DAB1: variants seen among roughly 807,000 people sequenced by gnomAD.
The protein encoded by DAB1 is disabled homolog 1.
A neutral mutation model predicts 64.6 loss-of-function variants in DAB1; 15 were observed. That is an observed-to-expected ratio of 0.23 (90% CI 0.16 to 0.36). The LOEUF (loss-of-function observed/expected upper bound fraction) is 0.36, where lower values mean the gene tolerates loss of function less well. Ranked by LOEUF, DAB1 falls within the 10% of genes least tolerant of loss-of-function variation. The pLI, the probability that DAB1 is intolerant of heterozygous loss-of-function variation, is 1.00. For synonymous variants in DAB1, 235 were observed against 251.9 expected (o/e 0.93, Z 0.64); for missense variants, 596 against 706.7 (o/e 0.84, Z 1.78).
chr1:57,738,268 T>C (rs1647792111), intron 6 of DAB1, among the ~76,000 whole-genome samples: 1 of 152,228 alleles, frequency 6.6e-6, no homozygotes, highest in Non-Finnish European at 1.5e-5. Flanking sequence ...TCAAAGCTAG[T>C]AATAATTGAA....
intron 12 of DAB1, among the ~76,000 whole-genome samples, chr1:57,014,079 T>G (rs531788129): frequency 6.6e-6 from 1 of 152,222 alleles, no homozygotes; most frequent in Non-Finnish European, 1.5e-5. Flanking sequence ...GGATAAAAGA[T>G]ACTTCAAATT....
intron 6 of DAB1, among the ~76,000 whole-genome samples, chr1:57,693,839 C>A (rs1646793550): frequency 6.6e-6 from 1 of 152,190 alleles, no homozygotes; most frequent in Non-Finnish European, 1.5e-5. Context: ...CAAAGGTCCG[C>A]AGCTTCATTC....
intron 4 of DAB1, among the ~76,000 whole-genome samples, chr1:57,118,951 T>C (rs781242897): frequency 2.6e-5 from 4 of 152,314 alleles, no homozygotes; most frequent in Non-Finnish European, 4.4e-5. Flanking sequence ...AGCTGACATA[T>C]AGTAGAAGCC....
intron 1 of DAB1, among the ~76,000 whole-genome samples, chr1:57,388,385 C>T (rs987911838): frequency 6.6e-6 from 1 of 152,196 alleles, no homozygotes; most frequent in African/African-American, 2.4e-5. Context: ...CCCTCAGAGT[C>T]CCATGGGCCT....
At chr1:57,369,124 G>A (rs557808643) in intron 1 of DAB1, among the ~76,000 whole-genome samples, 1 of 152,282 alleles carries the variant, frequency 6.6e-6, no homozygotes, top group African/African-American at 2.4e-5. Flanking sequence ...CTGATTCAGG[G>A]TTGCATCCTG....
intron 6 of DAB1, among the ~76,000 whole-genome samples, chr1:57,765,151 T>A (rs1035540760): frequency 6.6e-6 from 1 of 152,104 alleles, no homozygotes; most frequent in African/African-American, 2.4e-5. Flanking sequence ...CTATGAACCA[T>A]GAAGAAGAAA....
intron 1 of DAB1, among the ~76,000 whole-genome samples, chr1:57,869,807 A>C (rs953078419): frequency 6.6e-6 from 1 of 152,150 alleles, no homozygotes; most frequent in Non-Finnish European, 1.5e-5. Flanking sequence ...TGTGCTGCAA[A>C]GAGAAATGCT....
chr1:57,616,956 G>T (rs1209523253), intron 7 of DAB1, among the ~76,000 whole-genome samples: 1 of 152,150 alleles, frequency 6.6e-6, no homozygotes. Context: ...CTGAGGGTAC[G>T]CAAAGGAATT....
intron 4 of DAB1, among the ~76,000 whole-genome samples, chr1:57,083,355 C>T (rs888158031): frequency 6.6e-6 from 1 of 152,168 alleles, no homozygotes; most frequent in Admixed American, 6.5e-5. Context: ...TTCTAAAATC[C>T]TTATTTTTAT....
chr1:57,523,208 T>C (rs1180820541), intron 7 of DAB1, among the ~76,000 whole-genome samples: 1 of 152,186 alleles, frequency 6.6e-6, no homozygotes, highest in Non-Finnish European at 1.5e-5. Flanking sequence ...CAGAATACCA[T>C]AAACTAGACT....
chr1:58,447,882 A>AT (rs1486260900), intron 3 of DAB1, among the ~76,000 whole-genome samples: 2 of 151,548 alleles, frequency 1.3e-5, no homozygotes, highest in Non-Finnish European at 2.9e-5. Flanking sequence ...AGTCTTATGC[A>AT]ATAAGAAGAC....
chr1:57,789,783 A>G (rs1250668039), intron 6 of DAB1, among the ~76,000 whole-genome samples: 1 of 152,204 alleles, frequency 6.6e-6, no homozygotes, highest in Non-Finnish European at 1.5e-5. Context: ...TGTAGCAAGG[A>G]TGAGTAATTA....
chr1:57,692,819 A>G (rs1646779611), intron 6 of DAB1, among the ~76,000 whole-genome samples: 1 of 152,104 alleles, frequency 6.6e-6, no homozygotes, highest in Non-Finnish European at 1.5e-5. Context: ...TTCTTAGGGG[A>G]AGAGTGTTGT....
At chr1:58,506,437 AC>A (rs1645991899) in intron 2 of DAB1, among the ~76,000 whole-genome samples, 1 of 152,218 alleles carries the variant, frequency 6.6e-6, no homozygotes, top group African/African-American at 2.4e-5. Context: ...TTATGTCACT[AC>A]ATGCTTTAAA....
At chr1:58,441,792 T>C (rs976125706) in intron 3 of DAB1, among the ~76,000 whole-genome samples, 4 of 152,210 alleles carry the variant, frequency 2.6e-5, no homozygotes, top group Non-Finnish European at 5.9e-5. Flanking sequence ...CTGACGTTAA[T>C]TTATGTACTT....
At chr1:58,332,882 C>T (rs1170592920) in intron 4 of DAB1, among the ~76,000 whole-genome samples, 1 of 151,798 alleles carries the variant, frequency 6.6e-6, no homozygotes, top group Non-Finnish European at 1.5e-5. Flanking sequence ...ATCTGTTTAG[C>T]TTATGTCACC....
intron 1 of DAB1, among the ~76,000 whole-genome samples, chr1:57,416,169 A>G (rs541836502): frequency 2.0e-5 from 3 of 152,306 alleles, no homozygotes; most frequent in South Asian, 4.1e-4. Flanking sequence ...CATATATACC[A>G]TAATATATGA....
intron 1 of DAB1, among the ~76,000 whole-genome samples, chr1:57,856,645 T>G (rs1475789798): frequency 3.9e-5 from 6 of 151,930 alleles, no homozygotes; most frequent in African/African-American, 1.5e-4. Flanking sequence ...GCACCTGTAA[T>G]CTCAGCTACA....
At chr1:58,471,047 G>C (rs146084234) in intron 3 of DAB1, among the ~76,000 whole-genome samples, 38 of 152,258 alleles carry the variant, frequency 2.5e-4, no homozygotes, top group African/African-American at 8.7e-4. Context: ...TATTTTATCA[G>C]TAGGAATACT....
Sources: allele counts gnomAD v4.1 joint callset (sites outside exome capture counted in the v4.1 genomes callset), GRCh38; gene constraint gnomAD v4.1.1; transcripts MANE v1.5; gene names NCBI Gene and HGNC (gene_info 2026-07-23, HGNC 2026-07-21).